KSR2: variants seen among roughly 807,000 people sequenced by gnomAD.
KSR2 encodes kinase suppressor of ras 2.
In KSR2, 25 loss-of-function variants were observed where a neutral mutation model predicts 107.8. The ratio of observed to expected loss-of-function variants is 0.23; its 90% CI spans 0.17 to 0.32. The LOEUF (loss-of-function observed/expected upper bound fraction) is 0.32. KSR2 is among the 10% of genes least tolerant of loss of function. The pLI is 1.00. For synonymous variants in KSR2, 480 were observed against 507.0 expected, an observed-to-expected ratio of 0.95 and a Z score of 0.71; for missense variants, 887 against 1,268.9, an observed-to-expected ratio of 0.70 and a Z score of 4.57.
At chr12:117,485,863 T>C (rs543931766) in intron 14 of KSR2, among the ~76,000 whole-genome samples, 172 bp from the exon 15 acceptor site, 1 of 152,346 alleles carries the variant, frequency 6.6e-6, no homozygotes, top group East Asian at 1.9e-4. Context: ...GATGGAGATC[T>C]GGGAGGAAGT....
At chr12:117,731,321 C>CATGCGGGAGGGAGGTGGG (rs1565984108) in intron 4 of KSR2, among the ~76,000 whole-genome samples, 4 of 150,020 alleles carry the variant, frequency 2.7e-5, no homozygotes, top group African/African-American at 7.4e-5. Flanking sequence ...GCAGCCGCCC[C>CATGCGGGAGGGAGGTGGG]GTCTGAGAAG....
intron 5 of KSR2, among the ~76,000 whole-genome samples, chr12:117,592,341 C>T (rs900125900): frequency 3.9e-5 from 6 of 151,912 alleles, no homozygotes; most frequent in African/African-American, 9.7e-5. Flanking sequence ...CTCTAACTGC[C>T]GACCTCAGGT....
At chr12:117,686,971 C>T (rs1885597805) in intron 4 of KSR2, among the ~76,000 whole-genome samples, 1 of 152,106 alleles carries the variant, frequency 6.6e-6, no homozygotes, top group African/African-American at 2.4e-5. Flanking sequence ...CTGGGGCTGG[C>T]GGGCTGGCTG....
chr12:117,860,268 G>A, intron 2 of KSR2, 23 bp downstream of exon 2: 3 of 1,601,734 alleles, frequency 1.9e-6, no homozygotes, highest in Middle Eastern at 3.5e-4. Context: ...AGGGGCAGGG[G>A]ACACAGGGGC....
chr12:117,660,169 C>T (rs973889239), intron 5 of KSR2, among the ~76,000 whole-genome samples: 1 of 152,182 alleles, frequency 6.6e-6, no homozygotes, highest in African/African-American at 2.4e-5. Flanking sequence ...GGCCCTGGTA[C>T]TGCCTTTCCT....
chr12:117,455,002 CAGAGACAGAG>C lies in KSR2; in HGVS notation c.*12187_*12196del, dbSNP rs908980087. Reference sequence around the variant, plus strand: ...ACATCCTTCACTGTGTGGAGGCAGGCAGAGACAGAGACAGACACAGAGACAGACAGACAGA... The same window carrying C: ...ACATCCTTCACTGTGTGGAGGCAGGCACAGACACAGAGACAGACAGACAGA... On this transcript the variant is annotated 3_prime_UTR_variant, in exon 20 of 20. Transcript: ENST00000339824. The C allele has an allele frequency of 1.4e-5, 2 of 146,518 alleles. No individual in the cohort carries two copies. Among genetic ancestry groups the C allele is most frequent in the Non-Finnish European group, 3.0e-5 (2 of 67,214 alleles). The allele number at this position is 146,518 out of a possible 1,614,324, so 9.1% of individuals were successfully genotyped here.
At chr12:117,578,798 A>G (rs1360421376) in intron 7 of KSR2, among the ~76,000 whole-genome samples, 1 of 152,094 alleles carries the variant, frequency 6.6e-6, no homozygotes, top group Admixed American at 6.6e-5. Context: ...AGCCTAAAAT[A>G]TTTACTATCT....
chr12:117,566,837 C>T (rs4767566), intron 7 of KSR2, among the ~76,000 whole-genome samples: 2,609 of 152,322 alleles, frequency 0.017, 38 homozygotes, highest in Non-Finnish European at 0.026. Flanking sequence ...GTAAACCCAT[C>T]TCTTGTGGCT....
chr12:117,543,682 G>T (rs564639865), intron 9 of KSR2, among the ~76,000 whole-genome samples: 1 of 152,298 alleles, frequency 6.6e-6, no homozygotes, highest in Admixed American at 6.5e-5. Context: ...AACATGGTAT[G>T]GGTATCAGTT....
intron 17 of KSR2, among the ~76,000 whole-genome samples, chr12:117,475,101 G>C (rs536103718): frequency 1.3e-5 from 2 of 152,032 alleles, no homozygotes; most frequent in Non-Finnish European, 2.9e-5. Flanking sequence ...CTGTGTATTG[G>C]ACACCCGGCC....
intron 5 of KSR2, among the ~76,000 whole-genome samples, chr12:117,601,866 C>T (rs1008363109): frequency 6.6e-6 from 1 of 152,218 alleles, no homozygotes; most frequent in Non-Finnish European, 1.5e-5. Flanking sequence ...GAATTCCCAC[C>T]TGACTTCCAT....
intron 3 of KSR2, among the ~76,000 whole-genome samples, chr12:117,789,463 G>T (rs960547853): frequency 6.6e-6 from 1 of 152,182 alleles, no homozygotes; most frequent in Non-Finnish European, 1.5e-5. Flanking sequence ...ATCCACCAGG[G>T]AAAACTTACT....
At chr12:117,905,787 A>T (rs1894822556) in intron 1 of KSR2, among the ~76,000 whole-genome samples, 1 of 152,122 alleles carries the variant, frequency 6.6e-6, no homozygotes, top group Non-Finnish European at 1.5e-5. Context: ...AAATAACCAC[A>T]AAAGAGAAAT....
At chr12:117,903,886 C>A (rs1033186379) in intron 1 of KSR2, among the ~76,000 whole-genome samples, 1 of 152,050 alleles carries the variant, frequency 6.6e-6, no homozygotes, top group Non-Finnish European at 1.5e-5. Flanking sequence ...GTAGTCCCAG[C>A]TACCTGGGAG....
intron 1 of KSR2, among the ~76,000 whole-genome samples, chr12:117,875,197 A>C (rs1258105417): frequency 6.6e-6 from 1 of 152,174 alleles, no homozygotes; most frequent in Non-Finnish European, 1.5e-5. Context: ...AGCTAAAAAT[A>C]ATTGTGTCTG....
Position 117,517,740 on chromosome 12 carries a change from T to A in KSR2, c.2219+7112A>T, listed in dbSNP as rs1874468937. On this transcript the variant is annotated intron_variant, in intron 14 of 19. Transcript: ENST00000339824. ...GCTGTGCTTTATAAAGGGAAAGCGATTCAGCTTTTTGAACATAAAAGGAAG... is the reference window on the plus strand; with the variant it reads ...GCTGTGCTTTATAAAGGGAAAGCGAATCAGCTTTTTGAACATAAAAGGAAG... The A allele has an allele frequency of 7.0e-6, 3 of 431,514 alleles. No homozygotes were observed. In the Admixed American group the frequency reaches 8.2e-5, roughly 12 times the overall value. The allele number at this position is 431,514 out of a possible 1,614,324, so 26.7% of individuals were successfully genotyped here.
intron 3 of KSR2, among the ~76,000 whole-genome samples, chr12:117,775,410 A>G (rs1307890153): frequency 6.6e-6 from 1 of 152,232 alleles, no homozygotes; most frequent in Non-Finnish European, 1.5e-5. Context: ...GCTAACATTT[A>G]TCGAGCACTT....
intron 1 of KSR2, among the ~76,000 whole-genome samples, chr12:117,964,654 T>C (rs1013246625): frequency 6.6e-6 from 1 of 152,220 alleles, no homozygotes; most frequent in Non-Finnish European, 1.5e-5. Context: ...GCAGCCACTC[T>C]GTTCCAGATA....
At chr12:117,943,441 C>T (rs969709013) in intron 1 of KSR2, among the ~76,000 whole-genome samples, 1 of 142,696 alleles carries the variant, frequency 7.0e-6, no homozygotes, top group South Asian at 2.2e-4. Context: ...CAGCCTGAAC[C>T]TGGGGACATT....
Sources: gnomAD v4.1 joint callset for allele counts (sites outside exome capture counted in the v4.1 genomes callset) on GRCh38, gnomAD v4.1.1 for gene constraint, MANE v1.5 for transcripts, NCBI Gene and HGNC (gene_info 2026-07-23, HGNC 2026-07-21) for gene names.